MIPEP: variants seen among roughly 807,000 people sequenced by gnomAD.
MIPEP encodes mitochondrial intermediate peptidase.
MIPEP carries 79 observed loss-of-function variants against 90.3 expected under a neutral mutation model. That is an observed-to-expected ratio of 0.87 (90% confidence interval 0.73 to 1.05). The LOEUF is 1.05. Ranked by LOEUF, MIPEP falls within the 50% of genes least tolerant of loss-of-function variation. MIPEP has a pLI of 0.00. For synonymous variants in MIPEP, 334 were observed against 315.8 expected, an observed-to-expected ratio of 1.06 and a Z score of -0.61; for missense variants, 940 against 905.6, an observed-to-expected ratio of 1.04 and a Z score of -0.49.
intron 18 of MIPEP, among the ~76,000 whole-genome samples, chr13:23,752,759 T>C (rs1378468329): frequency 6.6e-6 from 1 of 152,126 alleles, no homozygotes; most frequent in Non-Finnish European, 1.5e-5. Context: ...GCCACATGTG[T>C]TTAGTGGAGG....
chr13:23,821,882 T>C (rs1384516491), intron 14 of MIPEP, among the ~76,000 whole-genome samples: 2 of 152,260 alleles, frequency 1.3e-5, no homozygotes, highest in Admixed American at 1.3e-4. Context: ...TTATTATTAC[T>C]ATTTTTTCCA....
At chr13:23,751,130 G>C (rs1376235784) in intron 18 of MIPEP, among the ~76,000 whole-genome samples, 2 of 152,214 alleles carry the variant, frequency 1.3e-5, no homozygotes, top group East Asian at 1.9e-4. Context: ...GAAACTAGTA[G>C]ATAGATATCT....
rs536005438 is a variant in MIPEP at position 23,860,551 on chromosome 13, G to A, written c.1054-1639C>T. 3.9e-5 allele frequency among the ~76,000 whole-genome samples: 6 copies of A among 152,288 alleles called. No homozygotes were observed. The East Asian group carries it at 5.8e-4, about 15-fold the overall frequency. ...AAGGGCCAAATCATGAGGGCTTGGC[G>A]GGAGCAGCAGGGTAGTAGGAAGGGA... On this transcript the variant is annotated intron_variant, in intron 9 of 18. Transcript: ENST00000382172.
At chr13:23,769,574 G>T (rs191811463) in intron 16 of MIPEP, among the ~76,000 whole-genome samples, 16 of 152,268 alleles carry the variant, frequency 1.1e-4, no homozygotes, top group African/African-American at 3.9e-4. Context: ...GCAGGTGTGT[G>T]GGGGGAGGGC....
chr13:23,750,232 A>C (rs1952427872), intron 18 of MIPEP, among the ~76,000 whole-genome samples: 1 of 152,120 alleles, frequency 6.6e-6, no homozygotes, highest in African/African-American at 2.4e-5. Flanking sequence ...CTCACAAACC[A>C]GTATTGACAG....
intron 18 of MIPEP, among the ~76,000 whole-genome samples, chr13:23,733,267 G>C (rs4390446): frequency 6.8e-6 from 1 of 147,304 alleles, no homozygotes; most frequent in Non-Finnish European, 1.5e-5. Flanking sequence ...GGATTGAGCA[G>C]AAACTTAACA....
chr13:23,848,136 G>A (rs1460425626), intron 10 of MIPEP, among the ~76,000 whole-genome samples: 2 of 152,152 alleles, frequency 1.3e-5, no homozygotes, highest in African/African-American at 4.8e-5. Context: ...TTCCTCACCA[G>A]TAAAGTAGAA....
chr13:23,858,869 C>G lies in MIPEP; in HGVS notation c.1097G>C (p.Arg366Pro), dbSNP rs1165109530. 3 of 1,613,390 alleles carry G rather than the reference C, an allele frequency of 1.9e-6. No homozygotes were observed. The highest frequency in any genetic ancestry group is 1.3e-5 in the African/African-American group (1 of 74,850). Residue 366 changes from arginine to proline, a missense_variant, in exon 10 of 19, where the codon CGT becomes CCT. Arg to Pro is a moderately radical substitution (Grantham distance 103). Coordinates refer to ENST00000382172, the MANE Select transcript of MIPEP (RefSeq NM_005932.4). ...TTCTTGAAAAACTTACCTTTCTGCA[C>G]GAATCACACCACTGTAGTAAGGGGG... ...WDPPYYSGVI[R>P]AERYNIEPSL...
At chr13:23,888,558 A>G (rs1871625534) in intron 1 of MIPEP, 2 of 294,554 alleles carry the variant, frequency 6.8e-6, no homozygotes, top group South Asian at 2.6e-4. Flanking sequence ...GACCAATTCC[A>G]TGGCACTATG....
chr13:23,846,558 C>A (rs1301489753), intron 10 of MIPEP, among the ~76,000 whole-genome samples: 3 of 152,036 alleles, frequency 2.0e-5, no homozygotes, highest in Admixed American at 2.0e-4. Context: ...TATGTCTAAA[C>A]ACGAAATTTA....
At chr13:23,886,050 TAGCAAATATTTGC>T (rs1871466124) in intron 2 of MIPEP, among the ~76,000 whole-genome samples, 2 of 151,958 alleles carry the variant, frequency 1.3e-5, no homozygotes, top group Non-Finnish European at 2.9e-5. Context: ...TACCCAAATA[TAGCAAATATTTGC>T]TATATTAGTA....
rs1205631953 is a variant in MIPEP at position 23,874,834 on chromosome 13, A to C, written c.603+12T>G. The C allele has an allele frequency of 6.3e-7, 1 of 1,579,926 alleles. No individual in the cohort carries two copies. The highest frequency in any genetic ancestry group is 2.0e-5 in the Admixed American group (1 of 51,166). On this transcript the variant is annotated intron_variant, in intron 5 of 18. Transcript: ENST00000382172. ...AAACTGGAAGAGTCAAAAAAACAGC[A>C]GAAAGATGTACCTTTTCTTTGTCTA... is the stretch of plus-strand genomic sequence containing the variant.
chr13:23,754,408 A>AATGTAAAAG (rs1377406434), intron 18 of MIPEP, among the ~76,000 whole-genome samples: 1 of 152,200 alleles, frequency 6.6e-6, no homozygotes, highest in Non-Finnish European at 1.5e-5. Context: ...AAAATATTAA[A>AATGTAAAAG]ATGTAAAAGT....
At chr13:23,783,938 G>A (rs1296250445) in intron 16 of MIPEP, among the ~76,000 whole-genome samples, 10 of 152,088 alleles carry the variant, frequency 6.6e-5, no homozygotes, top group African/African-American at 1.7e-4. Flanking sequence ...ACCACTGCTC[G>A]AGGAAATAAA....
At chr13:23,827,324 C>T (rs1026884960) in intron 14 of MIPEP, among the ~76,000 whole-genome samples, 1 of 152,108 alleles carries the variant, frequency 6.6e-6, no homozygotes, top group African/African-American at 2.4e-5. Flanking sequence ...AGCTGAAGAA[C>T]TTGGCTCAAA....
rs77401635 is a variant in MIPEP, at chr13:23,817,937, T to C, written c.1654-8013A>G. Reference sequence around the variant, plus strand: ...TAATACACAATTAGCATACAATTGATAGATGAGGAAGTTAGATAAGGAAAA... The same window carrying C: ...TAATACACAATTAGCATACAATTGACAGATGAGGAAGTTAGATAAGGAAAA... On this transcript the variant is annotated intron_variant, in intron 14 of 18. Transcript: ENST00000382172. Among the ~76,000 whole-genome samples the C allele has an allele frequency of 6.5e-3, 973 of 150,586 alleles. 8 individuals carry two copies. The highest frequency in any genetic ancestry group is 0.02 in the African/African-American group (804 of 39,954).
At chr13:23,796,750 T>A (rs539297849) in intron 16 of MIPEP, among the ~76,000 whole-genome samples, 1 of 152,348 alleles carries the variant, frequency 6.6e-6, no homozygotes, top group African/African-American at 2.4e-5. Flanking sequence ...AACAACAGGG[T>A]TCACCACTAG....
At chr13:23,768,289 G>A (rs949334871) in intron 16 of MIPEP, among the ~76,000 whole-genome samples, 6 of 152,194 alleles carry the variant, frequency 3.9e-5, no homozygotes, top group African/African-American at 1.4e-4. Context: ...TTCATGTTGT[G>A]TATGTATGAC....
chr13:23,868,085 T>C (rs1322977906), intron 7 of MIPEP, among the ~76,000 whole-genome samples: 3 of 151,968 alleles, frequency 2.0e-5, no homozygotes, highest in Non-Finnish European at 4.4e-5. Flanking sequence ...AACATACATA[T>C]TATATCTGTT....
Sources: gnomAD v4.1 joint callset for allele counts (sites outside exome capture counted in the v4.1 genomes callset) on GRCh38, gnomAD v4.1.1 for gene constraint, MANE v1.5 for transcripts, NCBI Gene and HGNC (gene_info 2026-07-23, HGNC 2026-07-21) for gene names.